SLC7A11: variants seen among roughly 807,000 people sequenced by gnomAD.
SLC7A11 encodes cystine/glutamate transporter.
SLC7A11 carries 35 observed loss-of-function variants against 54.5 expected under a neutral mutation model. The ratio of observed to expected loss-of-function variants is 0.64; its 90% confidence interval spans 0.49 to 0.85. SLC7A11 has a LOEUF of 0.85. Among genes scored for constraint, SLC7A11 ranks in the 40% least tolerant of loss-of-function variants. The pLI, the probability that SLC7A11 is intolerant of heterozygous loss-of-function variation, is 0.00. For missense variants in SLC7A11, 583 were observed against 618.1 expected, an observed-to-expected ratio of 0.94 and a Z score of 0.60; for synonymous variants, 230 against 225.2, an observed-to-expected ratio of 1.02 and a Z score of -0.19.
At chr4:138,189,376 C>A (rs1162640341) in intron 6 of SLC7A11, among the ~76,000 whole-genome samples, 5 of 152,138 alleles carry the variant, frequency 3.3e-5, no homozygotes, top group Non-Finnish European at 7.4e-5. Flanking sequence ...AATTTTTAAA[C>A]AAGAAAACCA....
Position 138,230,119 on chromosome 4 carries a change from G to A in SLC7A11, c.520+2148C>T, listed in dbSNP as rs540534987. Among the ~76,000 whole-genome samples the A allele has an allele frequency of 2.8e-4, 42 of 152,232 alleles. 1 individual carries two copies. The highest frequency in any genetic ancestry group is 9.8e-4 in the Admixed American group (15 of 15,292). ...TGATCATGTCTTCTGCGGGAACATG[G>A]ATAGAGCTAGAGGCCATTATCCTTA... On this transcript the variant is annotated intron_variant, in intron 3 of 11. Coordinates refer to ENST00000280612, the MANE Select transcript of SLC7A11 (RefSeq NM_014331.4).
At chr4:138,210,045 C>A (rs982757176) in intron 6 of SLC7A11, among the ~76,000 whole-genome samples, 4 of 151,760 alleles carry the variant, frequency 2.6e-5, no homozygotes, top group African/African-American at 9.7e-5. Flanking sequence ...CAAAAGCAGA[C>A]AAATAAACTA....
intron 7 of SLC7A11, among the ~76,000 whole-genome samples, chr4:138,184,349 T>C (rs932344606): frequency 6.6e-6 from 1 of 152,172 alleles, no homozygotes; most frequent in African/African-American, 2.4e-5. Flanking sequence ...CATCAAGTAA[T>C]GGGAACTTAA....
At chr4:138,192,844 C>A (rs1227623843) in intron 6 of SLC7A11, among the ~76,000 whole-genome samples, 1 of 152,128 alleles carries the variant, frequency 6.6e-6, no homozygotes, top group Non-Finnish European at 1.5e-5. Context: ...TGTTGCATTT[C>A]TGAAAACTGC....
intron 7 of SLC7A11, among the ~76,000 whole-genome samples, chr4:138,183,585 A>G (rs1464455634): frequency 6.6e-6 from 1 of 152,146 alleles, no homozygotes; most frequent in Non-Finnish European, 1.5e-5. Context: ...TTTATCAACT[A>G]TGATGTGTAT....
At position 138,183,412 on chromosome 4, in the gene SLC7A11, C is replaced by A. The variant is rs1008767992; in HGVS notation, c.916-107G>T. The A allele has an allele frequency of 5.7e-6, 4 of 704,040 alleles. No individual in the cohort carries two copies. The African/African-American group carries it at 7.1e-5, about 13-fold the overall frequency. 43.6% of individuals were successfully genotyped at this position (704,040 alleles called of 1,614,324 possible). On this transcript the variant is annotated intron_variant, in intron 7 of 11. Coordinates refer to ENST00000280612, the MANE Select transcript of SLC7A11 (RefSeq NM_014331.4). ...ATGACTTTCTATTAGCCTGGTGATA[C>A]TTGTATGTTTTATAATTTCTCTCTT...
At chr4:138,239,349 T>A (rs1738322829) in intron 1 of SLC7A11, among the ~76,000 whole-genome samples, 1 of 152,116 alleles carries the variant, frequency 6.6e-6, no homozygotes, top group African/African-American at 2.4e-5. Context: ...TGAAAAAAGT[T>A]CAAAACAAGA....
chr4:138,176,306 T>G (rs1235111183), intron 11 of SLC7A11: 1 of 152,168 alleles, frequency 6.6e-6, no homozygotes, highest in African/African-American at 2.4e-5. Flanking sequence ...AAAAGCAGAA[T>G]TGCCATGCTC....
intron 3 of SLC7A11, among the ~76,000 whole-genome samples, chr4:138,230,391 C>CA (rs1419144485): frequency 6.8e-6 from 1 of 146,270 alleles, no homozygotes; most frequent in East Asian, 2.0e-4. Context: ...TGCACATGTA[C>CA]CCCTGAACTC....
At chr4:138,241,065 G>GA (rs1051521559) in intron 1 of SLC7A11, among the ~76,000 whole-genome samples, 7 of 152,158 alleles carry the variant, frequency 4.6e-5, no homozygotes, top group Admixed American at 1.3e-4. Context: ...GAAATATAAT[G>GA]AAAAAAACAG....
intron 6 of SLC7A11, among the ~76,000 whole-genome samples, chr4:138,204,683 G>C (rs1274374788): frequency 6.6e-6 from 1 of 151,614 alleles, no homozygotes; most frequent in Non-Finnish European, 1.5e-5. Context: ...CCAGCCAACA[G>C]TGACGATGAC....
At chr4:138,240,126 C>G (rs182536764) in intron 1 of SLC7A11, among the ~76,000 whole-genome samples, 13 of 152,194 alleles carry the variant, frequency 8.5e-5, no homozygotes, top group Non-Finnish European at 1.5e-4. Context: ...AATAATGATA[C>G]ACAATTGTTA....
chr4:138,237,002 T>TC (rs1339035594), intron 1 of SLC7A11, among the ~76,000 whole-genome samples: 17 of 149,438 alleles, frequency 1.1e-4, no homozygotes, highest in Non-Finnish European at 2.1e-4. Flanking sequence ...TTTTTTTTTT[T>TC]TGAGACGGAG....
At chr4:138,213,570 C>A (rs1396891516) in intron 6 of SLC7A11, among the ~76,000 whole-genome samples, 1 of 148,786 alleles carries the variant, frequency 6.7e-6, no homozygotes, top group Admixed American at 6.7e-5. Flanking sequence ...TCCTCCCATA[C>A]CCCTCTTCTC....
At chr4:138,234,283 C>A (rs1298662416) in intron 2 of SLC7A11, among the ~76,000 whole-genome samples, 1 of 152,102 alleles carries the variant, frequency 6.6e-6, no homozygotes, top group Non-Finnish European at 1.5e-5. Context: ...TCCTTGAAAT[C>A]TGTGTTTTAC....
At chr4:138,229,550 A>C (rs1196580532) in intron 3 of SLC7A11, among the ~76,000 whole-genome samples, 1 of 152,228 alleles carries the variant, frequency 6.6e-6, no homozygotes, top group Non-Finnish European at 1.5e-5. Context: ...GGGTTCATCT[A>C]AGATTTCCTC....
intron 6 of SLC7A11, among the ~76,000 whole-genome samples, chr4:138,191,289 G>C (rs1346540313): frequency 6.6e-6 from 1 of 152,066 alleles, no homozygotes; most frequent in African/African-American, 2.4e-5. Context: ...ACTGAACCAC[G>C]GCAAGGCTAT....
intron 5 of SLC7A11, among the ~76,000 whole-genome samples, chr4:138,216,133 T>C (rs147591512): frequency 2.0e-3 from 311 of 152,316 alleles, no homozygotes; most frequent in African/African-American, 7.0e-3. Context: ...TCAAGGACTC[T>C]AGCGAATGCT....
rs183525490 is a variant in SLC7A11, at chr4:138,182,107, C to A, written c.1116+190G>T. Among the ~76,000 whole-genome samples, 162 of 151,170 alleles carry A rather than the reference C, an allele frequency of 1.1e-3. 1 individual carries two copies. The highest frequency in any genetic ancestry group is 3.6e-3 in the African/African-American group (150 of 41,258). ...GATGATGATTTTTGCCCCAAAGCAT[C>A]AAAAAAAATAGGCATCAGAAACATG... is the stretch of plus-strand genomic sequence containing the variant. On this transcript the variant is annotated intron_variant, in intron 9 of 11. Coordinates refer to ENST00000280612, the MANE Select transcript of SLC7A11 (RefSeq NM_014331.4).
Sources: allele counts gnomAD v4.1 joint callset (sites outside exome capture counted in the v4.1 genomes callset), GRCh38; gene constraint gnomAD v4.1.1; transcripts MANE v1.5; gene names NCBI Gene and HGNC (gene_info 2026-07-23, HGNC 2026-07-21).